The following CLASP1 variants were observed in gnomAD, a reference collection of about 807,000 sequenced individuals.
CLASP1 encodes the protein CLIP-associating protein 1.
CLASP1 carries 38 observed loss-of-function variants against 192.3 expected under a neutral mutation model. The observed-to-expected ratio is 0.20, with a 90% confidence interval of 0.15 to 0.26. The LOEUF (loss-of-function observed/expected upper bound fraction) is 0.26. Among genes scored for constraint, CLASP1 ranks in the 10% least tolerant of loss-of-function variants. The probability of loss-of-function intolerance (pLI) is 1.00; values close to 1 mark genes in which losing one functional copy is unlikely to be tolerated. For synonymous variants in CLASP1, 691 were observed against 712.8 expected (o/e 0.97, Z 0.49); for missense variants, 1,433 against 1,932.5 (o/e 0.74, Z 4.85).
intron 8 of CLASP1, among the ~76,000 whole-genome samples, chr2:121,497,370 T>C (rs781466380): frequency 1.2e-4 from 19 of 152,186 alleles, no homozygotes; most frequent in Non-Finnish European, 2.5e-4. Flanking sequence ...TATTGTTTTG[T>C]GTTTTGTCTT....
chr2:121,642,456 G>A (rs534153926), intron 1 of CLASP1, among the ~76,000 whole-genome samples: 4 of 151,716 alleles, frequency 2.6e-5, no homozygotes, highest in Admixed American at 6.6e-5. Flanking sequence ...TCTCAGGCCA[G>A]GTGCAGTGGT....
chr2:121,426,167 A>G (rs541458158), intron 21 of CLASP1, among the ~76,000 whole-genome samples: 3 of 152,310 alleles, frequency 2.0e-5, no homozygotes, highest in African/African-American at 7.2e-5. Flanking sequence ...AAAAAAGAAA[A>G]GAAAAGAAAA....
At chr2:121,349,368 G>A (rs1192141271) in intron 37 of CLASP1, among the ~76,000 whole-genome samples, 1 of 152,168 alleles carries the variant, frequency 6.6e-6, no homozygotes, top group South Asian at 2.1e-4. Flanking sequence ...TGCTCACTCA[G>A]AGATGGGCCC....
chr2:121,467,867 G>A (rs200037179), intron 9 of CLASP1, among the ~76,000 whole-genome samples: 6 of 152,110 alleles, frequency 3.9e-5, no homozygotes, highest in South Asian at 2.1e-4. Flanking sequence ...CTTTGCCCAT[G>A]CCTATGTCCT....
intron 2 of CLASP1, among the ~76,000 whole-genome samples, chr2:121,586,940 G>A (rs1374817089): frequency 6.6e-6 from 1 of 152,118 alleles, no homozygotes; most frequent in South Asian, 2.1e-4. Context: ...AGAAAGATGT[G>A]GTCTTAAGAG....
intron 6 of CLASP1, among the ~76,000 whole-genome samples, chr2:121,524,502 G>A (rs760986966): frequency 6.6e-6 from 1 of 151,140 alleles, no homozygotes; most frequent in African/African-American, 2.4e-5. Flanking sequence ...GGTTGCCCAG[G>A]CTGGAATGCA....
rs186003422 is a variant in CLASP1, at chr2:121,479,505, T to C, written c.713-9545A>G. Among the ~76,000 whole-genome samples, 5 of 152,346 alleles carry C rather than the reference T, an allele frequency of 3.3e-5. No homozygotes were observed. The East Asian group carries it at 9.6e-4, about 29-fold the overall frequency. ...ACCTAATAAGTAGAAAGATATTCCATGTTCATATATCAGAGGAATTTTTGC... is the reference window on the plus strand; with the variant it reads ...ACCTAATAAGTAGAAAGATATTCCACGTTCATATATCAGAGGAATTTTTGC... On this transcript the variant is annotated intron_variant, in intron 8 of 39. Coordinates refer to ENST00000263710, the Ensembl canonical transcript of CLASP1.
intron 2 of CLASP1, chr2:121,530,827 A>AACCCT (rs1433602962): frequency 1.5e-6 from 1 of 652,748 alleles, no homozygotes; most frequent in East Asian, 2.7e-5. Flanking sequence ...TAATTACCAC[A>AACCCT]ACCCTACCAG....
chr2:121,413,042 G>A (rs536291015), intron 23 of CLASP1, among the ~76,000 whole-genome samples: 1 of 152,242 alleles, frequency 6.6e-6, no homozygotes, highest in East Asian at 1.9e-4. Flanking sequence ...TAAATCGCTT[G>A]AGCCCAAGAG....
At chr2:121,615,762 T>G (rs546271390) in intron 1 of CLASP1, among the ~76,000 whole-genome samples, 30 of 152,008 alleles carry the variant, frequency 2.0e-4, no homozygotes, top group Admixed American at 9.2e-4. Flanking sequence ...CCAGCCTGGG[T>G]GACAAAGCAA....
intron 1 of CLASP1, among the ~76,000 whole-genome samples, chr2:121,642,312 A>G (rs1488098652): frequency 6.7e-6 from 1 of 149,732 alleles, no homozygotes; most frequent in Non-Finnish European, 1.5e-5. Context: ...CCAGCTACTC[A>G]GGAGGCTGAG....
chr2:121,632,494 A>T (rs1369973035), intron 1 of CLASP1, among the ~76,000 whole-genome samples: 1 of 152,194 alleles, frequency 6.6e-6, no homozygotes, highest in East Asian at 1.9e-4. Flanking sequence ...AAATCATGAT[A>T]TGCCATGCAA....
At chr2:121,356,086 G>C (rs764296694) in intron 37 of CLASP1, among the ~76,000 whole-genome samples, 3 of 152,036 alleles carry the variant, frequency 2.0e-5, no homozygotes, top group Non-Finnish European at 2.9e-5. Flanking sequence ...ATGTTTTTTA[G>C]GTTCACAAGG....
intron 34 of CLASP1, among the ~76,000 whole-genome samples, chr2:121,369,194 C>CT (rs1386987969): frequency 6.6e-6 from 1 of 152,222 alleles, no homozygotes; most frequent in Non-Finnish European, 1.5e-5. Flanking sequence ...GCACAAACAT[C>CT]TGTTCAAGTC....
intron 19 of CLASP1, among the ~76,000 whole-genome samples, chr2:121,437,207 C>T (rs574844961): frequency 6.6e-6 from 1 of 152,266 alleles, no homozygotes; most frequent in South Asian, 2.1e-4. Context: ...AAGCAATCCT[C>T]CTGCCTCGGC....
At position 121,367,691 on chromosome 2, in the gene CLASP1, C is replaced by T. The variant is rs184405260; in HGVS notation, c.3783G>A (p.Ala1261=). The change falls in exon 35 of 40, where the codon GCG becomes GCA. Residue 1261 remains alanine, a synonymous_variant. Transcript: ENST00000263710. ...AGTAGGGGTACGGGTTGTAGTCTCG[C>T]GCCCGCGGCCCCGGGAAGGCGCGCG... 8.5e-4 allele frequency: 1,372 copies of T among 1,613,994 alleles called. 7 individuals are homozygous for T. The African/African-American group carries it at 0.016, about 19-fold the overall frequency.
At chr2:121,394,231 T>C (rs1559017307) in intron 30 of CLASP1, among the ~76,000 whole-genome samples, 1 of 152,236 alleles carries the variant, frequency 6.6e-6, no homozygotes, top group Non-Finnish European at 1.5e-5. Flanking sequence ...CAGTTGACTT[T>C]GAGTTAATCC....
At chr2:121,372,427 A>C (rs1037932300) in intron 34 of CLASP1, among the ~76,000 whole-genome samples, 2 of 152,136 alleles carry the variant, frequency 1.3e-5, no homozygotes, top group African/African-American at 2.4e-5. Flanking sequence ...ACTAATCAAT[A>C]TCTCTCAAAT....
At chr2:121,621,903 A>G (rs574548526) in intron 1 of CLASP1, among the ~76,000 whole-genome samples, 181 of 152,292 alleles carry the variant, frequency 1.2e-3, no homozygotes, top group African/African-American at 4.1e-3. Context: ...GCTGGAGAGC[A>G]GTGGCGTGAT....
Sources: gnomAD v4.1 joint callset for allele counts (sites outside exome capture counted in the v4.1 genomes callset) on GRCh38, gnomAD v4.1.1 for gene constraint, MANE v1.5 for transcripts, NCBI Gene and HGNC (gene_info 2026-07-23, HGNC 2026-07-21) for gene names.